Variants in ANTXR1 observed in about 807,000 individuals in gnomAD.
ANTXR1 encodes the protein anthrax toxin receptor 1.
Under a neutral mutation model 78.1 loss-of-function variants are expected in ANTXR1, and 19 were observed. The observed-to-expected ratio is 0.24, with a 90% CI of 0.17 to 0.36. The LOEUF is 0.36. ANTXR1 is among the 10% of genes least tolerant of loss of function. ANTXR1 has a pLI of 1.00. For synonymous variants in ANTXR1, 273 were observed against 260.5 expected, an observed-to-expected ratio of 1.05 and a Z score of -0.46; for missense variants, 518 against 718.6, an observed-to-expected ratio of 0.72 and a Z score of 3.19.
At chr2:69,102,507 C>G (rs1188931455) in intron 9 of ANTXR1, among the ~76,000 whole-genome samples, 1 of 152,258 alleles carries the variant, frequency 6.6e-6, no homozygotes, top group Non-Finnish European at 1.5e-5. Context: ...ACTGAGATCA[C>G]AGATTTTCAA....
intron 3 of ANTXR1, among the ~76,000 whole-genome samples, chr2:69,047,831 C>T (rs1669816617): frequency 6.6e-6 from 1 of 152,102 alleles, no homozygotes; most frequent in Admixed American, 6.6e-5. Flanking sequence ...CAGATAAGGA[C>T]ACTGAGGTTC....
intron 3 of ANTXR1, among the ~76,000 whole-genome samples, chr2:69,054,521 T>G (rs892897467): frequency 2.0e-5 from 3 of 152,198 alleles, no homozygotes; most frequent in African/African-American, 7.2e-5. Flanking sequence ...GGTACGAGGT[T>G]AAGTATCTTG....
Position 69,246,253 on chromosome 2 carries a change from T to TGTTG in ANTXR1, c.*768_*769insGTTG. 1 of 152,344 alleles carries TGTTG rather than the reference T, an allele frequency of 6.6e-6. No individual in the cohort carries two copies. The allele number at this position is 152,344 out of a possible 1,614,324, so 9.4% of individuals were successfully genotyped here. ...CTAAAACCCACAGGCCATCAGCAGCTAGAGGTGGCTGGCTTTGGCCAGACA... is the reference window on the plus strand; with the variant it reads ...CTAAAACCCACAGGCCATCAGCAGCTGTTGAGAGGTGGCTGGCTTTGGCCAGACA... On this transcript the variant is annotated 3_prime_UTR_variant, in exon 18 of 18. Transcript: ENST00000303714.
chr2:69,120,480 A>G (rs1201415319), intron 10 of ANTXR1, among the ~76,000 whole-genome samples: 1 of 152,158 alleles, frequency 6.6e-6, no homozygotes, highest in Non-Finnish European at 1.5e-5. Context: ...CCTGGCCAAT[A>G]TGGTGAAACC....
intron 10 of ANTXR1, among the ~76,000 whole-genome samples, chr2:69,115,059 G>T (rs1672097095): frequency 6.6e-6 from 1 of 152,170 alleles, no homozygotes; most frequent in South Asian, 2.1e-4. Flanking sequence ...TATAGCTGGG[G>T]AGTGGGGAGG....
intron 17 of ANTXR1, among the ~76,000 whole-genome samples, chr2:69,197,910 G>A (rs1296514978): frequency 6.6e-6 from 1 of 152,164 alleles, no homozygotes; most frequent in African/African-American, 2.4e-5. Flanking sequence ...ATTCCACTTT[G>A]CAAGCTGTTT....
At chr2:69,030,231 G>A (rs558493485) in intron 1 of ANTXR1, among the ~76,000 whole-genome samples, 2 of 152,242 alleles carry the variant, frequency 1.3e-5, no homozygotes, top group African/African-American at 4.8e-5. Flanking sequence ...GGAGTCCTTC[G>A]ATTCTGGACC....
At chr2:69,170,312 C>T (rs1247719620) in intron 14 of ANTXR1, 23 bp downstream of exon 14, 2 of 1,613,566 alleles carry the variant, frequency 1.2e-6, no homozygotes, top group Admixed American at 1.7e-5. Flanking sequence ...AGCAGGATGG[C>T]AGTGGGTGGG....
chr2:69,182,969 G>T, intron 16 of ANTXR1: 1 of 317,482 alleles, frequency 3.1e-6, no homozygotes, highest in Non-Finnish European at 5.6e-6. Flanking sequence ...AATTCGTGAA[G>T]TGTTCCATAT....
At chr2:69,042,130 G>A (rs1463276521) in intron 2 of ANTXR1, among the ~76,000 whole-genome samples, 1 of 152,196 alleles carries the variant, frequency 6.6e-6, no homozygotes. Context: ...TTCAATAACA[G>A]TGGCTGATGC....
rs76141513 is a variant in ANTXR1 at position 69,230,400 on chromosome 2, C to T, written c.1435-14825C>T. On this transcript the variant is annotated intron_variant, in intron 17 of 17. Transcript: ENST00000303714. Reference sequence around the variant, plus strand: ...TACCACTTGGCCTTACAGTTTCATTCATTTGTATGGCAAGTAGTTGTAACT... The same window carrying T: ...TACCACTTGGCCTTACAGTTTCATTTATTTGTATGGCAAGTAGTTGTAACT... 9.5e-3 allele frequency among the ~76,000 whole-genome samples: 1,440 copies of T among 152,046 alleles called. 23 individuals are homozygous for T. The highest frequency in any genetic ancestry group is 0.033 in the African/African-American group (1,368 of 41,458).
intron 16 of ANTXR1, among the ~76,000 whole-genome samples, chr2:69,183,204 C>G (rs1674322298): frequency 6.6e-6 from 1 of 152,166 alleles, no homozygotes; most frequent in Non-Finnish European, 1.5e-5. Flanking sequence ...ATTTGCGCCT[C>G]CTGCCAGTGT....
At chr2:69,072,323 G>A (rs1670591827) in intron 5 of ANTXR1, among the ~76,000 whole-genome samples, 2 of 152,240 alleles carry the variant, frequency 1.3e-5, no homozygotes, top group Admixed American at 1.3e-4. Context: ...TTCGTGAGTA[G>A]CATTTCTGTA....
intron 9 of ANTXR1, among the ~76,000 whole-genome samples, chr2:69,093,957 C>T (rs909864731): frequency 2.0e-5 from 3 of 152,166 alleles, no homozygotes; most frequent in Admixed American, 6.5e-5. Context: ...AAATTCAAGT[C>T]GTAAGGGTTT....
Position 69,020,600 on chromosome 2 carries a change from A to C in ANTXR1, c.152+6949A>C, listed in dbSNP as rs1671156108. Among the ~76,000 whole-genome samples, 3 of 152,230 alleles carry C rather than the reference A, an allele frequency of 2.0e-5. No individual in the cohort carries two copies. The South Asian group carries it at 6.2e-4, about 32-fold the overall frequency. On this transcript the variant is annotated intron_variant, in intron 1 of 17. Transcript: ENST00000303714. ...CCAGAAACAAATTCTGGGATCAATTAGGGAGACTTGGCTGTCACATAAATG... is the reference window on the plus strand; with the variant it reads ...CCAGAAACAAATTCTGGGATCAATTCGGGAGACTTGGCTGTCACATAAATG...
chr2:69,073,385 TAACA>T (rs1467562899), intron 6 of ANTXR1, among the ~76,000 whole-genome samples: 1 of 152,248 alleles, frequency 6.6e-6, no homozygotes, highest in Non-Finnish European at 1.5e-5. Context: ...TATATTGCTC[TAACA>T]GTTTTTAAAT....
intron 1 of ANTXR1, among the ~76,000 whole-genome samples, chr2:69,035,842 A>G (rs1039876559): frequency 3.3e-5 from 5 of 152,172 alleles, no homozygotes; most frequent in Non-Finnish European, 7.3e-5. Context: ...AAGAGTTTTG[A>G]TGGATGTAGA....
chr2:69,167,802 T>A (rs1202519959), intron 13 of ANTXR1, among the ~76,000 whole-genome samples: 1 of 152,132 alleles, frequency 6.6e-6, no homozygotes, highest in Non-Finnish European at 1.5e-5. Flanking sequence ...CAACTTACAG[T>A]GCGTCAATGT....
intron 1 of ANTXR1, among the ~76,000 whole-genome samples, chr2:69,031,149 C>A (rs1294180852): frequency 6.6e-6 from 1 of 152,108 alleles, no homozygotes; most frequent in Non-Finnish European, 1.5e-5. Context: ...TTGCCCACCC[C>A]TGGACTAAGA....
Sources: gnomAD v4.1 joint callset for allele counts (sites outside exome capture counted in the v4.1 genomes callset) on GRCh38, gnomAD v4.1.1 for gene constraint, MANE v1.5 for transcripts, NCBI Gene and HGNC (gene_info 2026-07-23, HGNC 2026-07-21) for gene names.